Variants in ZBBX observed in about 807,000 individuals in gnomAD.
ZBBX encodes zinc finger B-box domain-containing protein 1.
A neutral mutation model predicts 108.5 loss-of-function variants in ZBBX; 101 were observed. The observed-to-expected ratio is 0.93, with a 90% CI of 0.79 to 1.10. The LOEUF (loss-of-function observed/expected upper bound fraction) is 1.10, where lower values mean the gene tolerates loss of function less well. Among genes scored for constraint, ZBBX ranks in the 50% least tolerant of loss-of-function variants. ZBBX has a pLI of 0.00. For missense variants in ZBBX, 1,009 were observed against 941.4 expected (o/e 1.07, Z -0.94); for synonymous variants, 356 against 323.4 (o/e 1.10, Z -1.08).
At chr3:167,245,466 G>A (rs1223238840) in intron 20 of ZBBX, among the ~76,000 whole-genome samples, 1 of 151,900 alleles carries the variant, frequency 6.6e-6, no homozygotes, top group Non-Finnish European at 1.5e-5. Context: ...CTCCATGCTT[G>A]CATCCCTTTA....
At chr3:167,373,316 T>G (rs572133070) in intron 3 of ZBBX, among the ~76,000 whole-genome samples, 29 of 152,200 alleles carry the variant, frequency 1.9e-4, no homozygotes, top group Non-Finnish European at 4.1e-4. Flanking sequence ...AGGATTTTGG[T>G]GTTTGCAGGG....
At chr3:167,267,622 T>C (rs1467048494) in intron 20 of ZBBX, among the ~76,000 whole-genome samples, 1 of 152,152 alleles carries the variant, frequency 6.6e-6, no homozygotes, top group Non-Finnish European at 1.5e-5. Flanking sequence ...CCCTCAATCT[T>C]CTGGCCAGTT....
intron 5 of ZBBX, 51 bp downstream of exon 5, chr3:167,368,410 C>A: frequency 3.2e-6 from 4 of 1,269,476 alleles, no homozygotes; most frequent in Non-Finnish European, 4.6e-6. Flanking sequence ...TAAAATAGTT[C>A]TTTATATAAT....
chr3:167,332,011 A>G, intron 10 of ZBBX, among the ~76,000 whole-genome samples: 1 of 152,172 alleles, frequency 6.6e-6, no homozygotes, highest in East Asian at 1.9e-4. Context: ...TGGCTCTTCT[A>G]GCCATTAAAT....
intron 9 of ZBBX, among the ~76,000 whole-genome samples, chr3:167,340,416 T>G (rs960687372): frequency 6.6e-6 from 1 of 152,082 alleles, no homozygotes; most frequent in African/African-American, 2.4e-5. Context: ...AAAGTAATTT[T>G]CATATAAAAA....
chr3:167,233,889 G>A, the ZBBX span, among the ~76,000 whole-genome samples: 4 of 151,694 alleles, frequency 2.6e-5, no homozygotes, highest in South Asian at 2.1e-4. Context: ...GCCTGAGAAG[G>A]GGGCCCAGAG....
intron 17 of ZBBX, among the ~76,000 whole-genome samples, chr3:167,298,675 C>A (rs1029200850): frequency 1.3e-5 from 2 of 151,974 alleles, no homozygotes; most frequent in African/African-American, 4.8e-5. Flanking sequence ...TGATACTAAT[C>A]CAAAGAGGAC....
chr3:167,304,352 CA>C (rs1345853384), intron 17 of ZBBX, among the ~76,000 whole-genome samples: 1 of 152,166 alleles, frequency 6.6e-6, no homozygotes, highest in Non-Finnish European at 1.5e-5. Flanking sequence ...TGGTACTCTT[CA>C]TGTTGCCCTG....
the ZBBX span, among the ~76,000 whole-genome samples, chr3:167,222,470 A>T: frequency 2.6e-5 from 4 of 151,916 alleles, no homozygotes; most frequent in Admixed American, 2.6e-4. Flanking sequence ...GACAAAAAAA[A>T]TAGTTAGGTA....
intron 5 of ZBBX, among the ~76,000 whole-genome samples, chr3:167,367,972 A>ATATATATATATATATATATATATG (rs1745579177): frequency 1.1e-4 from 2 of 17,798 alleles, no homozygotes; most frequent in Non-Finnish European, 2.8e-4. Flanking sequence ...ATATATGTAT[A>ATATATATATATATATATATATATG]TATATATATA....
intron 11 of ZBBX, among the ~76,000 whole-genome samples, chr3:167,325,732 G>GA (rs1285036011): frequency 6.6e-6 from 1 of 152,036 alleles, no homozygotes. Context: ...TTATTATTGA[G>GA]AGTAATGTTG....
intron 19 of ZBBX, 149 bp downstream of exon 19, chr3:167,288,718 A>G (rs1730147191): frequency 2.3e-6 from 1 of 427,438 alleles, no homozygotes; most frequent in Non-Finnish European, 4.1e-6. Context: ...TTTTGGAAGA[A>G]AAGTCGAGGA....
intron 1 of ZBBX, among the ~76,000 whole-genome samples, chr3:167,400,767 A>T (rs1336892614): frequency 2.6e-5 from 4 of 152,110 alleles, no homozygotes; most frequent in Non-Finnish European, 4.4e-5. Context: ...AACATATGTA[A>T]GATGAACATT....
rs1434013521 is a variant in ZBBX at position 167,318,407 on chromosome 3, G to C, written c.984-810C>G. 3.3e-5 allele frequency among the ~76,000 whole-genome samples: 5 copies of C among 151,920 alleles called. No homozygotes were observed. The East Asian group carries it at 9.6e-4, about 29-fold the overall frequency. Reference sequence around the variant, plus strand: ...TTTATTAGATATTAAATAGGCACTAGTATGATCTTAACTTTACAGAGGATG... The same window carrying C: ...TTTATTAGATATTAAATAGGCACTACTATGATCTTAACTTTACAGAGGATG... On this transcript the variant is annotated intron_variant, in intron 12 of 21. Coordinates refer to ENST00000675490, the MANE Select transcript of ZBBX (RefSeq NM_001199201.2).
intron 20 of ZBBX, among the ~76,000 whole-genome samples, chr3:167,256,865 T>C (rs115085030): frequency 7.9e-5 from 12 of 152,248 alleles, no homozygotes; most frequent in African/African-American, 2.6e-4. Flanking sequence ...TTATTTTCCA[T>C]TCATCTGTTG....
At chr3:167,200,802 G>C in the ZBBX span, among the ~76,000 whole-genome samples, 1 of 152,146 alleles carries the variant, frequency 6.6e-6, no homozygotes, top group Admixed American at 6.6e-5. Context: ...GGTAGACAAA[G>C]TATGTGCCAT....
chr3:167,317,182 C>A (rs1486181407), intron 13 of ZBBX, 77 bp from the exon 14 acceptor site: 4 of 999,196 alleles, frequency 4.0e-6, no homozygotes, highest in Admixed American at 2.4e-5. Context: ...AGATAGCCAC[C>A]AAAAAAGAAG....
At position 167,341,733 on chromosome 3, in the gene ZBBX, G is replaced by A. The variant is rs61506843; in HGVS notation, c.529-7748C>T. Among the ~76,000 whole-genome samples the A allele has an allele frequency of 2.4e-3, 369 of 152,002 alleles. 4 individuals are homozygous for A. Among genetic ancestry groups the A allele is most frequent in the African/African-American group, 8.3e-3 (343 of 41,534 alleles). ...TTTTTTCAACTAATATTACAAGTAT[G>A]TTGCATCCAGATGAGTTAACTGCTT... On this transcript the variant is annotated intron_variant, in intron 9 of 21. Coordinates refer to ENST00000675490, the MANE Select transcript of ZBBX (RefSeq NM_001199201.2).
At chr3:167,350,399 A>T (rs374227977) in intron 9 of ZBBX, 21 bp downstream of exon 9, 2 of 1,553,314 alleles carry the variant, frequency 1.3e-6, no homozygotes, top group Non-Finnish European at 1.8e-6. Context: ...ACTACAAGTA[A>T]ATCATTTTAG....
Sources: allele counts gnomAD v4.1 joint callset (sites outside exome capture counted in the v4.1 genomes callset), GRCh38; gene constraint gnomAD v4.1.1; transcripts MANE v1.5; gene names NCBI Gene and HGNC (gene_info 2026-07-23, HGNC 2026-07-21).